Variants in DNMT3A observed in about 807,000 individuals in gnomAD.
DNMT3A encodes the protein DNA (cytosine-5)-methyltransferase 3A.
In DNMT3A, 267 loss-of-function variants were observed where a neutral mutation model predicts 117.6. The observed-to-expected ratio is 2.27, with a 90% CI of 2.05 to 2.51. The LOEUF (loss-of-function observed/expected upper bound fraction) is 2.51, where lower values mean the gene tolerates loss of function less well. Ranked by LOEUF, DNMT3A falls within the 30% of genes most tolerant of loss-of-function variation. The pLI, the probability that DNMT3A is intolerant of heterozygous loss-of-function variation, is 0.00. For synonymous variants in DNMT3A, 432 were observed against 474.8 expected (o/e 0.91, Z 1.17); for missense variants, 1,029 against 1,260.2 (o/e 0.82, Z 2.78).
rs1354136920 is a variant in DNMT3A at position 25,236,400 on chromosome 2, T to C, written c.2478+536A>G. Reference sequence around the variant, plus strand: ...CTTTAGAAGTAGAAGCTGTAGCCACTGTACTTTCCAAGTCTTCCAAAGAAT... The same window carrying C: ...CTTTAGAAGTAGAAGCTGTAGCCACCGTACTTTCCAAGTCTTCCAAAGAAT... On this transcript the variant is annotated intron_variant, in intron 21 of 22. Coordinates refer to ENST00000321117, the MANE Select transcript of DNMT3A (RefSeq NM_022552.5). The surrounding 1 kb of genome is among the most constrained non-coding windows in gnomAD (Gnocchi z 4.5). 6.6e-6 allele frequency among the ~76,000 whole-genome samples: 1 copy of C among 152,202 alleles called. No homozygotes were observed. Among genetic ancestry groups the C allele is most frequent in the Non-Finnish European group, 1.5e-5 (1 of 68,044 alleles).
chr2:25,268,502 GC>G (rs2030570011), intron 6 of DNMT3A, among the ~76,000 whole-genome samples: 1 of 152,180 alleles, frequency 6.6e-6, no homozygotes, highest in African/African-American at 2.4e-5. Context: ...GAAGCGAGAG[GC>G]CCTTCCTAAC....
At chr2:25,308,286 G>A (rs922732901) in intron 2 of DNMT3A, among the ~76,000 whole-genome samples, 5 of 152,006 alleles carry the variant, frequency 3.3e-5, no homozygotes, top group African/African-American at 4.8e-5. Flanking sequence ...ACACCATCTC[G>A]TCTGAACCTC....
chr2:25,276,331 A>G (rs530896490), intron 4 of DNMT3A, among the ~76,000 whole-genome samples: 1 of 152,058 alleles, frequency 6.6e-6, no homozygotes, highest in Non-Finnish European at 1.5e-5. Context: ...CACTGAATCA[A>G]GGTAGATAAA....
rs903594050 is a variant in DNMT3A, at chr2:25,306,955, T to C, written c.73-6712A>G. On this transcript the variant is annotated intron_variant, in intron 2 of 22. Transcript: ENST00000321117. The surrounding 1 kb of genome is among the most constrained non-coding windows in gnomAD (Gnocchi z 4.1). Reference sequence around the variant, plus strand: ...CTGCTCCTTCAGTAGCACACCCAGCTCTGCCAGCCCTTGCTTAATAGAGGG... The same window carrying C: ...CTGCTCCTTCAGTAGCACACCCAGCCCTGCCAGCCCTTGCTTAATAGAGGG... Among the ~76,000 whole-genome samples, 1 of 152,182 alleles carries C rather than the reference T, an allele frequency of 6.6e-6. No individual in the cohort carries two copies. Among genetic ancestry groups the C allele is most frequent in the African/African-American group, 2.4e-5 (1 of 41,426 alleles).
chr2:25,274,013 C>G lies in DNMT3A; in HGVS notation c.639+928G>C, dbSNP rs528553605. On this transcript the variant is annotated intron_variant, in intron 6 of 22. Transcript: ENST00000321117. ...CCTTAAGTTCCCATGGATTTAAATG[C>G]CAGGGTTCTGCTCTCAAATCCCACC... is the stretch of plus-strand genomic sequence containing the variant. 8.5e-5 allele frequency among the ~76,000 whole-genome samples: 13 copies of G among 152,288 alleles called. 1 individual carries two copies. The South Asian group carries it at 2.5e-3, about 29-fold the overall frequency.
At chr2:25,302,500 C>T (rs1385170919) in intron 2 of DNMT3A, among the ~76,000 whole-genome samples, 2 of 152,184 alleles carry the variant, frequency 1.3e-5, no homozygotes, top group Admixed American at 6.5e-5. Flanking sequence ...AGGCCAGCCC[C>T]GAGGCCGGAG....
Position 25,233,333 on chromosome 2 carries a change from C to T in DNMT3A, c.*946G>A. 4.3e-6 allele frequency: 1 copy of T among 233,796 alleles called. No individual in the cohort carries two copies. The highest frequency in any genetic ancestry group is 8.5e-6 in the Non-Finnish European group (1 of 118,038). The allele number at this position is 233,796 out of a possible 1,614,324, so 14.5% of individuals were successfully genotyped here. On this transcript the variant is annotated 3_prime_UTR_variant, in exon 23 of 23. Transcript: ENST00000321117. ...AACGCGCCATCTGCAAGCTGTCTCC[C>T]TTTCTCCATCCTTGGTGAAACCCTT...
intron 6 of DNMT3A, among the ~76,000 whole-genome samples, chr2:25,251,151 A>G: frequency 9.4e-5 from 1 of 10,630 alleles, no homozygotes; most frequent in African/African-American, 3.8e-4. Context: ...GGAAGGAAGA[A>G]GCGGGGGGGG....
intron 2 of DNMT3A, among the ~76,000 whole-genome samples, chr2:25,312,956 G>A (rs938214901): frequency 6.6e-6 from 1 of 152,112 alleles, no homozygotes; most frequent in African/African-American, 2.4e-5. Flanking sequence ...AACCCCCAGC[G>A]CTACTCAGGG....
chr2:25,328,580 C>T (rs1044912168), intron 1 of DNMT3A: 10 of 467,836 alleles, frequency 2.1e-5, no homozygotes, highest in Admixed American at 9.5e-5. Context: ...TCTTGCTGCC[C>T]GTCCCCCCCG....
At chr2:25,290,787 A>AGG (rs1329157089) in intron 3 of DNMT3A, among the ~76,000 whole-genome samples, 7 of 103,834 alleles carry the variant, frequency 6.7e-5, no homozygotes. Flanking sequence ...TCACCGGGGA[A>AGG]GGGGGATCCT....
chr2:25,320,780 A>G (rs2034561531), intron 1 of DNMT3A, among the ~76,000 whole-genome samples: 1 of 152,228 alleles, frequency 6.6e-6, no homozygotes, highest in Non-Finnish European at 1.5e-5. Flanking sequence ...ATATGTATAT[A>G]TGCATGTATG....
intron 1 of DNMT3A, among the ~76,000 whole-genome samples, chr2:25,323,249 C>G (rs1006013401): frequency 6.6e-6 from 1 of 152,138 alleles, no homozygotes; most frequent in African/African-American, 2.4e-5. Flanking sequence ...TGCCTGAGAA[C>G]GAAGAGCTCA....
In DNMT3A at chr2:25,337,127, G is replaced by A. The variant is rs1172219360; in HGVS notation, c.-178+4699C>T. Among the ~76,000 whole-genome samples the A allele has an allele frequency of 2.0e-5, 3 of 152,132 alleles. No individual in the cohort carries two copies. The highest frequency in any genetic ancestry group is 7.2e-5 in the African/African-American group (3 of 41,410). ...GCACTCAAGACAGGATGAGAATAAC[G>A]AGCTGAAACTACAGCGGGAGGGATT... On this transcript the variant is annotated intron_variant, in intron 1 of 22. Coordinates refer to ENST00000321117, the MANE Select transcript of DNMT3A (RefSeq NM_022552.5). This position sits in a 1 kb window ranked among gnomAD's most constrained non-coding sequence, Gnocchi z 5.0.
At chr2:25,261,070 G>A (rs1465394784) in intron 6 of DNMT3A, among the ~76,000 whole-genome samples, 2 of 152,134 alleles carry the variant, frequency 1.3e-5, no homozygotes, top group Non-Finnish European at 2.9e-5. Context: ...GAGGTGGGCA[G>A]ATCACTTGAG....
rs13003910 is a variant in DNMT3A at position 25,252,470 on chromosome 2, C to G, written c.640-4218G>C. Among the ~76,000 whole-genome samples the G allele has an allele frequency of 6.6e-6, 1 of 151,986 alleles. No homozygotes were observed. Among genetic ancestry groups the G allele is most frequent in the Admixed American group, 6.5e-5 (1 of 15,278 alleles). Reference sequence around the variant, plus strand: ...TCCGACGCTGGCGCTGGGCCAGCCCCTCTTCTCCGGTCCGAGGGGCGCGGG... The same window carrying G: ...TCCGACGCTGGCGCTGGGCCAGCCCGTCTTCTCCGGTCCGAGGGGCGCGGG... On this transcript the variant is annotated intron_variant, in intron 6 of 22. Coordinates refer to ENST00000321117, the MANE Select transcript of DNMT3A (RefSeq NM_022552.5). The surrounding 1 kb of genome is among the most constrained non-coding windows in gnomAD (Gnocchi z 5.5).
chr2:25,340,946 G>A (rs1281626150), intron 1 of DNMT3A, among the ~76,000 whole-genome samples: 1 of 145,408 alleles, frequency 6.9e-6, no homozygotes, highest in East Asian at 2.1e-4. Context: ...GGCACCCACG[G>A]CCCGCGGTGG....
chr2:25,272,773 C>T (rs1366604833), intron 6 of DNMT3A, among the ~76,000 whole-genome samples: 1 of 151,810 alleles, frequency 6.6e-6, no homozygotes, highest in East Asian at 1.9e-4. Flanking sequence ...AATCAAGCAG[C>T]CAGAACCCCC....
At chr2:25,312,697 A>G (rs933806023) in intron 2 of DNMT3A, among the ~76,000 whole-genome samples, 7 of 152,214 alleles carry the variant, frequency 4.6e-5, no homozygotes, top group Admixed American at 4.6e-4. Flanking sequence ...CCCAAGGACC[A>G]AATAGAACCA....
Sources: allele counts gnomAD v4.1 joint callset (sites outside exome capture counted in the v4.1 genomes callset), GRCh38; gene constraint gnomAD v4.1.1; non-coding constraint Gnocchi (gnomAD v3.1); transcripts MANE v1.5; gene names NCBI Gene and HGNC (gene_info 2026-07-23, HGNC 2026-07-21).